RORA: variants seen among roughly 807,000 people sequenced by gnomAD.
RORA encodes the protein RAR related orphan receptor A, also known as nuclear receptor ROR-alpha.
A neutral mutation model predicts 69.5 loss-of-function variants in RORA; 7 were observed. The observed-to-expected ratio is 0.10, with a 90% confidence interval of 0.06 to 0.19. The LOEUF is 0.19. Ranked by LOEUF, RORA falls within the 10% of genes least tolerant of loss-of-function variation. The probability of loss-of-function intolerance (pLI) is 1.00; values close to 1 mark genes in which losing one functional copy is unlikely to be tolerated. For missense variants in RORA, 457 were observed against 663.0 expected, an observed-to-expected ratio of 0.69 and a Z score of 3.41; for synonymous variants, 261 against 240.8, an observed-to-expected ratio of 1.08 and a Z score of -0.78.
chr15:60,620,937 A>G (rs2069387398), intron 2 of RORA, among the ~76,000 whole-genome samples: 1 of 152,230 alleles, frequency 6.6e-6, no homozygotes, highest in African/African-American at 2.4e-5. Flanking sequence ...AGGGCTGCCA[A>G]GTGCTGCAAT....
intron 1 of RORA, among the ~76,000 whole-genome samples, chr15:60,936,557 C>A (rs1463588277): frequency 6.6e-6 from 1 of 152,144 alleles, no homozygotes; most frequent in Non-Finnish European, 1.5e-5. Flanking sequence ...ATCACCGTCA[C>A]CATCACCTAG....
intron 2 of RORA, among the ~76,000 whole-genome samples, chr15:60,667,186 C>T (rs2070393668): frequency 6.6e-6 from 1 of 152,192 alleles, no homozygotes; most frequent in African/African-American, 2.4e-5. Context: ...AAAAGATTCA[C>T]AATCGTCCCT....
chr15:60,706,034 G>A (rs1820359), intron 1 of RORA, among the ~76,000 whole-genome samples: 52 of 152,220 alleles, frequency 3.4e-4, no homozygotes, highest in South Asian at 4.2e-4. Context: ...TAGAAAGCAC[G>A]GTAAAAAGGG....
At chr15:61,111,576 T>C (rs1309407532) in intron 1 of RORA, among the ~76,000 whole-genome samples, 1 of 152,228 alleles carries the variant, frequency 6.6e-6, no homozygotes, top group Admixed American at 6.5e-5. Flanking sequence ...AATTCAGAAA[T>C]CCTGATTCTT....
intron 1 of RORA, among the ~76,000 whole-genome samples, chr15:60,856,578 T>G (rs1030861795): frequency 1.3e-5 from 2 of 152,102 alleles, no homozygotes; most frequent in African/African-American, 4.8e-5. Flanking sequence ...GCAAATGAAT[T>G]AATACTTTTA....
intron 1 of RORA, among the ~76,000 whole-genome samples, chr15:61,133,188 A>T (rs2079207633): frequency 1.3e-5 from 2 of 152,184 alleles, no homozygotes; most frequent in South Asian, 4.1e-4. Flanking sequence ...TACTTTTCAA[A>T]TTATGCATAT....
chr15:61,104,613 C>T (rs1403820938), intron 1 of RORA, among the ~76,000 whole-genome samples: 2 of 152,090 alleles, frequency 1.3e-5, no homozygotes, highest in Non-Finnish European at 2.9e-5. Context: ...CCTACTTCTC[C>T]CCTCATGTTT....
intron 2 of RORA, among the ~76,000 whole-genome samples, chr15:60,560,527 CA>C (rs761271083): frequency 4.7e-4 from 64 of 135,004 alleles, no homozygotes; most frequent in Admixed American, 5.8e-4. Flanking sequence ...GACCCTGCCT[CA>C]AAAAAAAAAA....
chr15:61,163,595 C>G (rs551723514), intron 1 of RORA, among the ~76,000 whole-genome samples: 1 of 152,142 alleles, frequency 6.6e-6, no homozygotes, highest in African/African-American at 2.4e-5. Flanking sequence ...AGGGAAGACA[C>G]GAAATTGAGA....
At chr15:60,700,968 G>A (rs1017126781) in intron 1 of RORA, among the ~76,000 whole-genome samples, 7 of 152,114 alleles carry the variant, frequency 4.6e-5, no homozygotes, top group South Asian at 2.1e-4. Context: ...TTCATTCGCC[G>A]ACTGCCAAGC....
intron 1 of RORA, among the ~76,000 whole-genome samples, chr15:60,749,870 A>G (rs961094698): frequency 2.6e-5 from 4 of 152,244 alleles, no homozygotes; most frequent in Admixed American, 1.3e-4. Context: ...TCTACTACAA[A>G]TTACAAAAAA....
intron 1 of RORA, among the ~76,000 whole-genome samples, chr15:60,789,741 T>G (rs1390160488): frequency 6.6e-6 from 1 of 152,210 alleles, no homozygotes; most frequent in Non-Finnish European, 1.5e-5. Context: ...TCTCAGGGCT[T>G]TAGGAGAGGC....
intron 1 of RORA, among the ~76,000 whole-genome samples, chr15:61,169,273 A>G (rs1242543526): frequency 4.5e-5 from 6 of 132,614 alleles, no homozygotes; most frequent in African/African-American, 1.1e-4. Flanking sequence ...CACAGCTTGG[A>G]AAAAAAAAAA....
intron 1 of RORA, among the ~76,000 whole-genome samples, chr15:61,135,578 CA>C (rs11453914): frequency 1.2e-3 from 135 of 112,282 alleles, no homozygotes; most frequent in East Asian, 3.8e-3. Flanking sequence ...ATTTCCACAT[CA>C]AAAAAAAAAA....
intron 1 of RORA, among the ~76,000 whole-genome samples, chr15:61,016,708 G>A (rs993605016): frequency 2.0e-5 from 3 of 152,126 alleles, no homozygotes; most frequent in Non-Finnish European, 4.4e-5. Flanking sequence ...CGACCCATAA[G>A]GAGTAAAGAA....
At chr15:60,510,193 T>C (rs866124041) in intron 5 of RORA, among the ~76,000 whole-genome samples, 5 of 152,340 alleles carry the variant, frequency 3.3e-5, no homozygotes, top group Middle Eastern at 3.4e-3. Context: ...CTTAGTCATC[T>C]CCACAGCAAC....
intron 1 of RORA, among the ~76,000 whole-genome samples, chr15:60,881,148 G>T (rs2073675256): frequency 6.6e-6 from 1 of 152,214 alleles, no homozygotes; most frequent in Non-Finnish European, 1.5e-5. Flanking sequence ...GACCCTTGCT[G>T]CACCTTTCTT....
intron 1 of RORA, among the ~76,000 whole-genome samples, chr15:60,681,155 T>G (rs1454279387): frequency 6.6e-6 from 1 of 152,216 alleles, no homozygotes; most frequent in African/African-American, 2.4e-5. Context: ...TAGTAAATGA[T>G]TCCATAGAAG....
chr15:61,077,100 C>T (rs1013014497), intron 1 of RORA, among the ~76,000 whole-genome samples: 2 of 152,008 alleles, frequency 1.3e-5, no homozygotes, highest in Non-Finnish European at 2.9e-5. Flanking sequence ...AGGCACAGGA[C>T]GCTGTTAAGT....
Sources: gnomAD v4.1 joint callset for allele counts (sites outside exome capture counted in the v4.1 genomes callset) on GRCh38, gnomAD v4.1.1 for gene constraint, MANE v1.5 for transcripts, NCBI Gene and HGNC (gene_info 2026-07-23, HGNC 2026-07-21) for gene names.